LRRC9: variants seen among roughly 807,000 people sequenced by gnomAD.
LRRC9 encodes leucine-rich repeat-containing protein 9.
In LRRC9, 122 loss-of-function variants were observed where a neutral mutation model predicts 63.2. The observed-to-expected ratio is 1.93, with a 90% CI of 1.67 to 2.24. The LOEUF is 2.24. LRRC9 is among the 30% of genes most tolerant of loss of function. The probability of loss-of-function intolerance (pLI) is 0.00; values close to 1 mark genes in which losing one functional copy is unlikely to be tolerated. For synonymous variants in LRRC9, 366 were observed against 213.1 expected (o/e 1.72, Z -6.25); for missense variants, 1,071 against 627.7 (o/e 1.71, Z -7.55).
In LRRC9 at chr14:60,042,593, T is replaced by C. The variant is rs1403133674; in HGVS notation, c.3991-10472T>C. The stretch of plus-strand genomic sequence containing the variant: ...CCTGTTGTGCCGTTTGCTAAGACCA[T>C]TGGAAAAGCACAGTATTAGGCTGAG... On this transcript the variant is annotated intron_variant, in intron 29 of 31. Coordinates refer to ENST00000445360, the Ensembl canonical transcript of LRRC9. The surrounding 1 kb of genome is among the most constrained non-coding windows in gnomAD (Gnocchi z 4.2). 6.6e-6 allele frequency among the ~76,000 whole-genome samples: 1 copy of C among 152,142 alleles called. No individual in the cohort carries two copies. The highest frequency in any genetic ancestry group is 1.5e-5 in the Non-Finnish European group (1 of 68,016).
exon 10 of LRRC9, chr14:59,960,952 A>G (rs1484369443): frequency 1.4e-6 from 1 of 692,272 alleles, no homozygotes; most frequent in Non-Finnish European, 2.6e-6. Context: ...AAACAAAAGA[A>G]GAAAAGTCAT....
At chr14:60,018,392 C>T (rs976271129) in exon 25 of LRRC9, 14 of 700,046 alleles carry the variant, frequency 2.0e-5, no homozygotes, top group Non-Finnish European at 2.1e-5. Context: ...TGATTCCAGT[C>T]GACCAATTTA....
Position 60,058,047 on chromosome 14 carries a change from T to C in LRRC9, c.4276+25T>C, listed in dbSNP as rs767531302. On this transcript the variant is annotated intron_variant, in intron 31 of 31. Coordinates refer to ENST00000445360, the Ensembl canonical transcript of LRRC9. This position sits in a 1 kb window ranked among gnomAD's most constrained non-coding sequence, Gnocchi z 4.4. ...GGTATTTTGACAATTTCAGATAGAA[T>C]GTAAAAGAATCACTTAATTTGAAAT... 36 of 543,332 alleles carry C rather than the reference T, an allele frequency of 6.6e-5. No individual in the cohort carries two copies. The highest frequency in any genetic ancestry group is 5.5e-4 in the African/African-American group (30 of 54,384). The allele number at this position is 543,332 out of a possible 1,614,324, so 33.7% of individuals were successfully genotyped here.
At chr14:60,014,856 C>T (rs940655855) in intron 23 of LRRC9, among the ~76,000 whole-genome samples, 1 of 151,952 alleles carries the variant, frequency 6.6e-6, no homozygotes, top group African/African-American at 2.4e-5. Flanking sequence ...CTTTTTCAGC[C>T]CCACATTATT....
chr14:59,975,140 CATATATATATGTATATATATATATGT>C lies in LRRC9; in HGVS notation c.1639+443_1639+468del, dbSNP rs1336355467. Among the ~76,000 whole-genome samples, 8 of 13,504 alleles carry C rather than the reference CATATATATATGTATATATATATATGT, an allele frequency of 5.9e-4. 2 individuals carry two copies. Among genetic ancestry groups the C allele is most frequent in the Non-Finnish European group, 1.6e-3 (5 of 3,158 alleles). The allele number at this position is 13,504 out of a possible 152,430, so 8.9% of individuals were successfully genotyped here. On this transcript the variant is annotated intron_variant, in intron 13 of 31. Coordinates refer to ENST00000445360, the Ensembl canonical transcript of LRRC9. ...ATATATATATATGTATATATATATACATATATATATGTATATATATATATGTATATATATATACACTACACACACGA... is the reference window on the plus strand; with the variant it reads ...ATATATATATATGTATATATATATACATATATATATACACTACACACACGA...
At chr14:59,939,952 G>T (rs1446192817) in intron 7 of LRRC9, among the ~76,000 whole-genome samples, 1 of 152,006 alleles carries the variant, frequency 6.6e-6, no homozygotes, top group Admixed American at 6.6e-5. Context: ...GGTACTTAAA[G>T]CTGTGGACTG....
At chr14:59,933,266 G>C (rs1889860401) in intron 6 of LRRC9, among the ~76,000 whole-genome samples, 1 of 151,994 alleles carries the variant, frequency 6.6e-6, no homozygotes, top group African/African-American at 2.4e-5. Flanking sequence ...TTTTCCTTTT[G>C]GCACATCCCT....
intron 17 of LRRC9, among the ~76,000 whole-genome samples, chr14:59,996,476 A>G (rs1321818195): frequency 6.6e-6 from 1 of 152,226 alleles, no homozygotes; most frequent in Non-Finnish European, 1.5e-5. Flanking sequence ...AGTTGTTTGA[A>G]TTAAGTTGTA....
downstream of LRRC9, among the ~76,000 whole-genome samples, chr14:60,066,319 G>A (rs145435576): frequency 1.8e-4 from 27 of 152,110 alleles, no homozygotes; most frequent in East Asian, 4.4e-3. Flanking sequence ...ATTATGAAAA[G>A]TGTTTAATGT....
intron 30 of LRRC9, among the ~76,000 whole-genome samples, chr14:60,055,189 T>C (rs1894181026): frequency 1.3e-5 from 2 of 152,262 alleles, no homozygotes; most frequent in South Asian, 4.1e-4. Context: ...TTAAAAAAGA[T>C]TATTTAGTTT....
intron 13 of LRRC9, among the ~76,000 whole-genome samples, chr14:59,975,620 T>C (rs941679621): frequency 4.6e-5 from 7 of 152,166 alleles, no homozygotes; most frequent in Non-Finnish European, 1.0e-4. Context: ...TTATTGTGTG[T>C]TAGGCACTGG....
At chr14:60,010,312 C>G (rs1890160384) in intron 23 of LRRC9, among the ~76,000 whole-genome samples, 1 of 152,218 alleles carries the variant, frequency 6.6e-6, no homozygotes, top group African/African-American at 2.4e-5. Flanking sequence ...AACACCATGT[C>G]AAAGCTGCCA....
At chr14:59,987,481 T>G (rs1022694810) in intron 17 of LRRC9, among the ~76,000 whole-genome samples, 2 of 82,716 alleles carry the variant, frequency 2.4e-5, no homozygotes, top group African/African-American at 6.6e-5. Context: ...TCTCTTTTAA[T>G]TGATAGATTT....
At chr14:59,924,064 A>G (rs1331260175) in intron 1 of LRRC9, among the ~76,000 whole-genome samples, 3 of 152,238 alleles carry the variant, frequency 2.0e-5, no homozygotes, top group African/African-American at 7.2e-5. Context: ...TTTAGAATAT[A>G]ACAAAGAGAA....
In LRRC9 at chr14:60,022,750, G is replaced by T; in HGVS notation, c.3583G>T (p.Glu1195Ter). 1 of 654,620 alleles carries T rather than the reference G, an allele frequency of 1.5e-6. No individual in the cohort carries two copies. The highest frequency in any genetic ancestry group is 1.7e-5 in the South Asian group (1 of 57,756). The allele number at this position is 654,620 out of a possible 1,614,324, so 40.6% of individuals were successfully genotyped here. ...GTGTTTCAGAGATATAATGAGCAGT[G>T]AAAATTTGCCTCCAATAATGCACAG... is the stretch of plus-strand genomic sequence containing the variant. Residue 1195 changes from glutamate (E) to a stop codon, truncating the protein, a stop_gained, in exon 27 of 32, where the codon GAA (glutamate) becomes TAA (stop). Transcript: ENST00000445360. LOFTEE classifies it high-confidence loss of function.
chr14:59,945,305 CA>C (rs1882245129), intron 8 of LRRC9, among the ~76,000 whole-genome samples: 1 of 151,794 alleles, frequency 6.6e-6, no homozygotes. Context: ...TTATTTAACT[CA>C]AAACGGAATC....
chr14:59,950,659 C>T (rs1484982184), intron 8 of LRRC9, among the ~76,000 whole-genome samples: 21 of 135,362 alleles, frequency 1.6e-4, no homozygotes, highest in Non-Finnish European at 2.7e-4. Flanking sequence ...CCATGTTTAG[C>T]GCTTCCTTCA....
At chr14:59,969,328 G>A (rs892403894) in intron 12 of LRRC9, 2 of 152,012 alleles carry the variant, frequency 1.3e-5, no homozygotes, top group African/African-American at 4.8e-5. Flanking sequence ...CTAAACATGG[G>A]AATACCACAG....
intron 30 of LRRC9, chr14:60,054,121 C>G (rs1007169108): frequency 3.1e-5 from 9 of 286,168 alleles, no homozygotes; most frequent in African/African-American, 1.8e-4. Context: ...CATACATACT[C>G]TCCTAACAGG....
Sources: allele counts gnomAD v4.1 joint callset (sites outside exome capture counted in the v4.1 genomes callset), GRCh38; gene constraint gnomAD v4.1.1; non-coding constraint Gnocchi (gnomAD v3.1); transcripts MANE v1.5; gene names NCBI Gene and HGNC (gene_info 2026-07-23, HGNC 2026-07-21).